The following C16orf78 variants were observed in gnomAD, a reference collection of about 807,000 sequenced individuals.
C16orf78 encodes uncharacterized protein C16orf78.
A neutral mutation model predicts 27.3 loss-of-function variants in C16orf78; 19 were observed. The observed-to-expected ratio is 0.70, with a 90% confidence interval of 0.49 to 1.02. The LOEUF (loss-of-function observed/expected upper bound fraction) is 1.02. Ranked by LOEUF, C16orf78 falls within the 50% of genes least tolerant of loss-of-function variation. The probability of loss-of-function intolerance (pLI) is 0.00; values close to 1 mark genes in which losing one functional copy is unlikely to be tolerated. For synonymous variants in C16orf78, 130 were observed against 116.1 expected, an observed-to-expected ratio of 1.12 and a Z score of -0.77; for missense variants, 339 against 337.0, an observed-to-expected ratio of 1.01 and a Z score of -0.05.
At chr16:49,395,416 A>C (rs980751893) in intron 3 of C16orf78, among the ~76,000 whole-genome samples, 1 of 152,106 alleles carries the variant, frequency 6.6e-6, no homozygotes, top group African/African-American at 2.4e-5. Context: ...GTGGCTCAAC[A>C]TAAATTTGTA....
chr16:49,392,396 A>G (rs1965424318), intron 3 of C16orf78, among the ~76,000 whole-genome samples: 1 of 152,244 alleles, frequency 6.6e-6, no homozygotes, highest in South Asian at 2.1e-4. Context: ...CATATTAGGA[A>G]GTAATTTAAA....
chr16:49,392,158 C>G (rs186642732), intron 3 of C16orf78, among the ~76,000 whole-genome samples: 7 of 152,178 alleles, frequency 4.6e-5, no homozygotes, highest in African/African-American at 1.7e-4. Context: ...AGCTTACAGA[C>G]AGAATAATTT....
chr16:49,374,947 A>G lies in C16orf78; in HGVS notation c.150+858A>G, dbSNP rs74816072. 2.3e-3 allele frequency among the ~76,000 whole-genome samples: 343 copies of G among 152,284 alleles called. 3 individuals carry two copies. The highest frequency in any genetic ancestry group is 7.8e-3 in the African/African-American group (323 of 41,562). On this transcript the variant is annotated intron_variant, in intron 1 of 4. Coordinates refer to ENST00000299191, the MANE Select transcript of C16orf78 (RefSeq NM_144602.4). ...CTCCTGACCCTAGAGCAAAATGAGTAAAAAATGCCATTACTAATAACAATG... is the reference window on the plus strand; with the variant it reads ...CTCCTGACCCTAGAGCAAAATGAGTGAAAAATGCCATTACTAATAACAATG...
At chr16:49,389,534 T>C (rs2151614479) in intron 3 of C16orf78, among the ~76,000 whole-genome samples, 1 of 152,276 alleles carries the variant, frequency 6.6e-6, no homozygotes, top group East Asian at 1.9e-4. Context: ...AAGCGGAAGC[T>C]GCAGTGAGCC....
At chr16:49,383,149 G>A (rs1422419353) in intron 3 of C16orf78, among the ~76,000 whole-genome samples, 1 of 152,156 alleles carries the variant, frequency 6.6e-6, no homozygotes, top group Non-Finnish European at 1.5e-5. Context: ...GTTGCAAATG[G>A]GCCAGCCCAA....
At chr16:49,375,314 G>C (rs1653262241) in intron 1 of C16orf78, among the ~76,000 whole-genome samples, 1 of 151,858 alleles carries the variant, frequency 6.6e-6, no homozygotes, top group Admixed American at 6.6e-5. Flanking sequence ...AAATACCTGA[G>C]ACTGGGTCAT....
intron 3 of C16orf78, among the ~76,000 whole-genome samples, chr16:49,390,980 G>A (rs979321865): frequency 6.6e-6 from 1 of 152,142 alleles, no homozygotes; most frequent in African/African-American, 2.4e-5. Context: ...GTTGTCCGAT[G>A]TCTTAAAACC....
intron 3 of C16orf78, among the ~76,000 whole-genome samples, chr16:49,385,671 T>C: frequency 6.9e-6 from 1 of 145,094 alleles, no homozygotes; most frequent in Middle Eastern, 3.6e-3. Context: ...AAAAAAAAAA[T>C]GTTTTGTACA....
intron 3 of C16orf78, among the ~76,000 whole-genome samples, chr16:49,381,172 A>G (rs1051720588): frequency 1.2e-4 from 19 of 152,196 alleles, no homozygotes; most frequent in African/African-American, 4.6e-4. Context: ...GTGTGAAGAA[A>G]GGCATTGGTA....
Position 49,399,133 on chromosome 16 carries a change from A to G in C16orf78, c.653A>G (p.Tyr218Cys). ...CTCTTTTGCCTTCTCTTGAACAGAT[A>G]CCTGAGGTTATCCAAGGAGAACATT... ...LKPEEVLSCR[Y>C]LRLSKENIRT... is the part of the protein sequence containing the mutation. The change falls in exon 5 of 5, where the codon TAC (tyrosine) becomes TGC (cysteine). Residue 218 changes from tyrosine (Y) to cysteine (C), a missense_variant and splice_region_variant. Tyr to Cys is a radical substitution (Grantham distance 194, BLOSUM62 -2). Coordinates refer to ENST00000299191, the MANE Select transcript of C16orf78 (RefSeq NM_144602.4). 1 of 1,613,928 alleles carries G rather than the reference A, an allele frequency of 6.2e-7. No individual in the cohort carries two copies. The highest frequency in any genetic ancestry group is 1.7e-5 in the Admixed American group (1 of 60,014).
At chr16:49,386,871 A>T (rs1567392674) in intron 3 of C16orf78, among the ~76,000 whole-genome samples, 1 of 152,136 alleles carries the variant, frequency 6.6e-6, no homozygotes, top group African/African-American at 2.4e-5. Context: ...AGTTGATTCC[A>T]TGCTTTGCTT....
Position 49,396,659 on chromosome 16 carries a change from G to A in C16orf78, c.631G>A (p.Glu211Lys), listed in dbSNP as rs1033098185. Residue 211 changes from glutamate (E) to lysine (K), a missense_variant, in exon 4 of 5, where the codon GAG (glutamate) becomes AAG (lysine). By Grantham distance (56) the Glu-to-Lys change is moderately conservative. Transcript: ENST00000299191. ...GGAAACCATGAGGATGTTGAAGCCA[G>A]AGGAGGTGCTGAGCTGCCGGTGAGA... The part of the protein sequence containing the change: ...KMETMRMLKP[E>K]EVLSCRYLRL... The A allele has an allele frequency of 2.5e-6, 4 of 1,609,674 alleles. No homozygotes were observed. In the African/African-American group the frequency reaches 5.3e-5, roughly 21 times the overall value.
intron 3 of C16orf78, 120 bp from the exon 4 acceptor site, chr16:49,396,303 A>G (rs1965471438): frequency 2.5e-6 from 3 of 1,179,748 alleles, no homozygotes; most frequent in Non-Finnish European, 3.6e-6. Context: ...AAGACCTCAT[A>G]TCTCAGAACA....
intron 3 of C16orf78, among the ~76,000 whole-genome samples, chr16:49,381,571 AAAAC>A (rs1167821744): frequency 9.9e-5 from 15 of 152,096 alleles, no homozygotes; most frequent in Admixed American, 9.8e-4. Context: ...TTTACAAGAA[AAAAC>A]AAACAACCCC....
At chr16:49,394,120 C>A (rs188011569) in intron 3 of C16orf78, among the ~76,000 whole-genome samples, 64 of 152,124 alleles carry the variant, frequency 4.2e-4, no homozygotes, top group African/African-American at 1.4e-3. Context: ...TGGTTTCATG[C>A]AAGGTTTTAA....
Position 49,374,095 on chromosome 16 carries a change from T to C in C16orf78, c.150+6T>C, listed in dbSNP as rs1965187911. The stretch of plus-strand genomic sequence containing the variant: ...AGAAGAAACAAGCTCCCGAGGTGGG[T>C]ACCATCCAAGAGAAATGGCAGGAAG... On this transcript the variant is annotated splice_donor_region_variant and intron_variant, in intron 1 of 4. Coordinates refer to ENST00000299191, the MANE Select transcript of C16orf78 (RefSeq NM_144602.4). 1 of 1,613,648 alleles carries C rather than the reference T, an allele frequency of 6.2e-7. No individual in the cohort carries two copies. Among genetic ancestry groups the C allele is most frequent in the Admixed American group, 1.7e-5 (1 of 59,962 alleles).
chr16:49,381,225 G>T (rs1965282841), intron 3 of C16orf78, among the ~76,000 whole-genome samples: 1 of 152,194 alleles, frequency 6.6e-6, no homozygotes, highest in African/African-American at 2.4e-5. Context: ...ACCTTGGGCA[G>T]TATGGCCATT....
intron 3 of C16orf78, among the ~76,000 whole-genome samples, chr16:49,378,862 CAT>C (rs144218536): frequency 0.016 from 2,464 of 152,264 alleles, 58 homozygotes; most frequent in African/African-American, 0.056. Flanking sequence ...AAACCAGCCT[CAT>C]GTGTCCAGGT....
At chr16:49,391,788 G>A (rs1044014708) in intron 3 of C16orf78, among the ~76,000 whole-genome samples, 1 of 152,176 alleles carries the variant, frequency 6.6e-6, no homozygotes, top group Non-Finnish European at 1.5e-5. Flanking sequence ...TTGCATGGAA[G>A]AGGATCAGAT....
Sources: allele counts gnomAD v4.1 joint callset (sites outside exome capture counted in the v4.1 genomes callset), GRCh38; gene constraint gnomAD v4.1.1; transcripts MANE v1.5; gene names NCBI Gene and HGNC (gene_info 2026-07-23, HGNC 2026-07-21).